Variants in SERPINB8 observed in about 807,000 individuals in gnomAD.
The protein encoded by SERPINB8 is serpin family B member 8.
Under a neutral mutation model 35.3 loss-of-function variants are expected in SERPINB8, and 25 were observed. That is an observed-to-expected ratio of 0.71 (90% CI 0.52 to 0.99). SERPINB8 has a LOEUF of 0.99. Ranked by LOEUF, SERPINB8 falls within the 50% of genes least tolerant of loss-of-function variation. The pLI is 0.00. For missense variants in SERPINB8, 484 were observed against 446.5 expected (o/e 1.08, Z -0.76); for synonymous variants, 186 against 160.8 (o/e 1.16, Z -1.19).
downstream of SERPINB8, among the ~76,000 whole-genome samples, chr18:63,990,851 G>A (rs1041577765): frequency 3.9e-5 from 6 of 152,186 alleles, no homozygotes; most frequent in Admixed American, 3.9e-4. Context: ...CATATTGAAG[G>A]AATGCTTTGC....
rs772937898 is a variant in SERPINB8 at position 64,015,646 on chromosome 18, G to T, written c.*3-3264G>T. ...ATTTCAGTTAAGGGCTTTGATGATA[G>T]TTTCCAGTGAGAGCATGGCAAAATA... is the stretch of plus-strand genomic sequence containing the variant. On this transcript the variant is annotated intron_variant, in intron 7 of 7. Transcript: ENST00000636430. Among the ~76,000 whole-genome samples the T allele has an allele frequency of 1.8e-4, 27 of 152,306 alleles. No homozygotes were observed. The Middle Eastern group carries it at 0.014, about 77-fold the overall frequency.
chr18:63,982,073 G>A lies in SERPINB8; in HGVS notation c.424+235G>A, dbSNP rs370054399. ...GACCTCCTCCCCTGTGGACCGTGCT[G>A]GAAAATCCCTGGAAAATGGCTCCTC... is the stretch of plus-strand genomic sequence containing the variant. On this transcript the variant is annotated intron_variant, in intron 4 of 6. Coordinates refer to ENST00000397985, the MANE Select transcript of SERPINB8 (RefSeq NM_002640.4). Among the ~76,000 whole-genome samples, 8 of 152,278 alleles carry A rather than the reference G, an allele frequency of 5.3e-5. No homozygotes were observed. In the East Asian group the frequency reaches 1.2e-3, roughly 22 times the overall value.
intron 6 of SERPINB8, chr18:63,986,149 A>G (rs1423532914): frequency 4.3e-6 from 4 of 935,272 alleles, no homozygotes; most frequent in Non-Finnish European, 6.6e-6. Flanking sequence ...AAATCAAAAC[A>G]ATGCTCGTTG....
downstream of SERPINB8, among the ~76,000 whole-genome samples, chr18:63,993,685 C>G (rs1236987447): frequency 6.6e-6 from 1 of 152,174 alleles, no homozygotes; most frequent in Non-Finnish European, 1.5e-5. Flanking sequence ...ACAGGTCCAG[C>G]TCTAGGTCAA....
At chr18:64,000,711 G>A (rs1419841758) in intron 1 of SERPINB8, among the ~76,000 whole-genome samples, 2 of 152,024 alleles carry the variant, frequency 1.3e-5, no homozygotes, top group Non-Finnish European at 2.9e-5. Context: ...TCTCCACTCT[G>A]ACTCAATACT....
intron 7 of SERPINB8, among the ~76,000 whole-genome samples, chr18:64,015,866 C>A (rs903238977): frequency 1.3e-5 from 2 of 152,144 alleles, no homozygotes; most frequent in African/African-American, 4.8e-5. Flanking sequence ...GGGGTTTAGG[C>A]GAGCCTACTT....
chr18:64,001,301 G>C (rs1234940262), intron 1 of SERPINB8, among the ~76,000 whole-genome samples: 1 of 152,124 alleles, frequency 6.6e-6, no homozygotes, highest in Admixed American at 6.5e-5. Context: ...TCACGAGTCT[G>C]TGAATATACT....
At chr18:63,974,887 A>G (rs1420502533) in intron 1 of SERPINB8, among the ~76,000 whole-genome samples, 1 of 152,096 alleles carries the variant, frequency 6.6e-6, no homozygotes, top group East Asian at 1.9e-4. Context: ...GCTGCAGGGT[A>G]GATATTGATG....
intron 1 of SERPINB8, among the ~76,000 whole-genome samples, chr18:63,971,052 C>T (rs1375740953): frequency 6.6e-6 from 1 of 152,174 alleles, no homozygotes; most frequent in Non-Finnish European, 1.5e-5. Flanking sequence ...GCTTCCCTGC[C>T]TCGGGCTCTG....
rs187067544 is a variant in SERPINB8 at position 63,979,979 on chromosome 18, T to C, written c.306+41T>C. The C allele has an allele frequency of 1.9e-6, 3 of 1,592,902 alleles. No individual in the cohort carries two copies. In the African/African-American group the frequency reaches 4.0e-5, roughly 21 times the overall value. On this transcript the variant is annotated intron_variant, in intron 3 of 6. Transcript: ENST00000397985. ...ATATTGATGACAAAGAAATTGAAAG[T>C]AAGTTAGACTACAGAAGAGCAGATA...
chr18:63,979,082 T>G lies in SERPINB8; in HGVS notation c.168+606T>G, dbSNP rs183783553. On this transcript the variant is annotated intron_variant, in intron 2 of 6. Coordinates refer to ENST00000397985, the MANE Select transcript of SERPINB8 (RefSeq NM_002640.4). ...ATGTCCCAGATAATTGCCAAATGGA[T>G]ATCATTTTGCCACCAATATCAGGAG... is the stretch of plus-strand genomic sequence containing the variant. 2.6e-5 allele frequency among the ~76,000 whole-genome samples: 4 copies of G among 152,336 alleles called. No individual in the cohort carries two copies. In the East Asian group the frequency reaches 7.7e-4, roughly 29 times the overall value.
At chr18:64,019,744 CAATT>C (rs1404215269) in exon 8 of SERPINB8, 2 of 151,272 alleles carry the variant, frequency 1.3e-5, no homozygotes, top group African/African-American at 4.9e-5. Flanking sequence ...TCAACCTCAT[CAATT>C]GTCACCTCAC....
intron 5 of SERPINB8, among the ~76,000 whole-genome samples, chr18:63,984,805 A>G (rs2050725147): frequency 6.6e-6 from 1 of 152,144 alleles, no homozygotes; most frequent in Non-Finnish European, 1.5e-5. Flanking sequence ...TTCTCTGTGA[A>G]TGTTCTCAAA....
At chr18:64,018,230 G>C (rs2050959551) in intron 7 of SERPINB8, among the ~76,000 whole-genome samples, 1 of 151,984 alleles carries the variant, frequency 6.6e-6, no homozygotes, top group African/African-American at 2.4e-5. Context: ...ATGTAACAAT[G>C]ATCAACTTTA....
chr18:64,006,970 C>T (rs2050902806), downstream of SERPINB8, among the ~76,000 whole-genome samples: 1 of 151,346 alleles, frequency 6.6e-6, no homozygotes, highest in Non-Finnish European at 1.5e-5. Context: ...AAAGAAAATA[C>T]TAAAAATAAA....
At chr18:63,986,662 C>T (rs995806990) in intron 6 of SERPINB8, 14 of 1,350,596 alleles carry the variant, frequency 1.0e-5, no homozygotes, top group East Asian at 2.7e-5. Flanking sequence ...CAGGTGTTTA[C>T]TAGCTCTTTT....
intron 1 of SERPINB8, among the ~76,000 whole-genome samples, chr18:64,003,052 C>A (rs899466050): frequency 1.3e-5 from 2 of 152,226 alleles, no homozygotes; most frequent in Non-Finnish European, 2.9e-5. Context: ...GCATTCTCTT[C>A]TCAGGCACCT....
intron 6 of SERPINB8, chr18:63,986,156 G>T: frequency 1.0e-6 from 1 of 995,502 alleles, no homozygotes; most frequent in South Asian, 1.5e-5. Context: ...AACAATGCTC[G>T]TTGGAGAGGA....
In SERPINB8 at chr18:63,986,272, C is replaced by T. The variant is rs750526214; in HGVS notation, c.721-602C>T. The T allele has an allele frequency of 3.7e-6, 6 of 1,609,536 alleles. No individual in the cohort carries two copies. In the African/African-American group the frequency reaches 8.0e-5, roughly 22 times the overall value. The stretch of plus-strand genomic sequence containing the variant: ...TTGATAAATAGAAAGAGTGATGGAT[C>T]TTGAAGAATTTGAAGCTAACTCCAG... On this transcript the variant is annotated intron_variant, in intron 6 of 6. Coordinates refer to ENST00000397985, the MANE Select transcript of SERPINB8 (RefSeq NM_002640.4).
Sources: allele counts gnomAD v4.1 joint callset (sites outside exome capture counted in the v4.1 genomes callset), GRCh38; gene constraint gnomAD v4.1.1; transcripts MANE v1.5; gene names NCBI Gene and HGNC (gene_info 2026-07-23, HGNC 2026-07-21).